Variants in SFMBT2 observed in about 807,000 individuals in gnomAD.
The protein encoded by SFMBT2 is scm-like with four MBT domains protein 2.
Under a neutral mutation model 110.1 loss-of-function variants are expected in SFMBT2, and 38 were observed. That is an observed-to-expected ratio of 0.35 (90% CI 0.27 to 0.45). The LOEUF (loss-of-function observed/expected upper bound fraction) is 0.45. Among genes scored for constraint, SFMBT2 ranks in the 20% least tolerant of loss-of-function variants. The pLI, the probability that SFMBT2 is intolerant of heterozygous loss-of-function variation, is 1.00. For missense variants in SFMBT2, 1,011 were observed against 1,094.9 expected (o/e 0.92, Z 1.08); for synonymous variants, 425 against 425.4 (o/e 1.00, Z 0.01).
chr10:7,279,016 G>A (rs781493462), intron 6 of SFMBT2, among the ~76,000 whole-genome samples: 13 of 151,554 alleles, frequency 8.6e-5, no homozygotes, highest in Admixed American at 4.0e-4. Context: ...CAGGAGAATC[G>A]CTTGAACCCT....
intron 1 of SFMBT2, among the ~76,000 whole-genome samples, chr10:7,399,240 G>GT (rs944216469): frequency 5.5e-4 from 81 of 148,240 alleles, no homozygotes; most frequent in Non-Finnish European, 6.2e-4. Flanking sequence ...GTTTTGTTTT[G>GT]TTTTTTTTTT....
chr10:7,368,146 C>T, intron 3 of SFMBT2: 1 of 285,806 alleles, frequency 3.5e-6, no homozygotes, highest in African/African-American at 2.3e-5. Flanking sequence ...ATATCCAAAA[C>T]ATTATCACCT....
intron 8 of SFMBT2, among the ~76,000 whole-genome samples, 183 bp from the exon 9 acceptor site, chr10:7,243,888 C>A (rs763460609): frequency 1.3e-5 from 2 of 152,164 alleles, no homozygotes; most frequent in Admixed American, 6.5e-5. Flanking sequence ...TTAGAATTGA[C>A]TGCTGTGGTC....
chr10:7,259,642 G>A (rs957531547), intron 7 of SFMBT2, among the ~76,000 whole-genome samples: 1 of 152,206 alleles, frequency 6.6e-6, no homozygotes, highest in Non-Finnish European at 1.5e-5. Context: ...ATTCAGATTC[G>A]GTTAAGAGAG....
chr10:7,262,185 G>A (rs1023234117), intron 7 of SFMBT2, among the ~76,000 whole-genome samples: 8 of 151,754 alleles, frequency 5.3e-5, no homozygotes, highest in Admixed American at 2.0e-4. Context: ...AAGGCACTAC[G>A]GGGCTTAAAC....
intron 2 of SFMBT2, among the ~76,000 whole-genome samples, chr10:7,378,750 T>C (rs548141693): frequency 7.7e-5 from 11 of 143,582 alleles, no homozygotes; most frequent in Admixed American, 3.4e-4. Context: ...TGGGGTGGTG[T>C]GAGTGTGGGT....
In SFMBT2 at chr10:7,176,169, G is replaced by GA; in HGVS notation, c.1809-5dup. 6.2e-7 allele frequency: 1 copy of GA among 1,614,078 alleles called. No homozygotes were observed. Among genetic ancestry groups the GA allele is most frequent in the South Asian group, 1.1e-5 (1 of 91,084 alleles). ...CCTGTATGTTTTGCCTCTGTATCTA[G>GA]AAAATAGGTGGGGAAGAAAAGCGAG... On this transcript the variant is annotated splice_region_variant and splice_polypyrimidine_tract_variant and intron_variant, in intron 16 of 20. Transcript: ENST00000397167.
At chr10:7,205,272 C>T (rs1189027204) in intron 12 of SFMBT2, 11 of 316,772 alleles carry the variant, frequency 3.5e-5, no homozygotes, top group Non-Finnish European at 4.1e-5. Flanking sequence ...TCTTTTTTTA[C>T]GTATATACAG....
intron 9 of SFMBT2, among the ~76,000 whole-genome samples, chr10:7,241,910 AT>A (rs1840441531): frequency 6.6e-6 from 1 of 152,154 alleles, no homozygotes; most frequent in Non-Finnish European, 1.5e-5. Context: ...ACAGCCAACC[AT>A]TTTTTCAAAA....
chr10:7,385,296 G>C (rs893156686), intron 1 of SFMBT2, among the ~76,000 whole-genome samples: 1 of 152,198 alleles, frequency 6.6e-6, no homozygotes, highest in African/African-American at 2.4e-5. Flanking sequence ...GAGGAAGAGA[G>C]ACAGCATCCA....
rs544981519 is a variant in SFMBT2, at chr10:7,276,192, G to A, written c.870+700C>T. On this transcript the variant is annotated intron_variant, in intron 7 of 20. Coordinates refer to ENST00000397167, the MANE Select transcript of SFMBT2 (RefSeq NM_001387889.1). ...CCCTTCATTTTCACGGGAGCACCTG[G>A]TGGAAGGCCTGGTACTTAGCAGAAC... Among the ~76,000 whole-genome samples the A allele has an allele frequency of 3.9e-5, 6 of 152,328 alleles. No homozygotes were observed. The South Asian group carries it at 1.0e-3, about 26-fold the overall frequency.
At chr10:7,380,162 TTAAA>T (rs952814831) in intron 2 of SFMBT2, among the ~76,000 whole-genome samples, 13 of 152,356 alleles carry the variant, frequency 8.5e-5, no homozygotes, top group African/African-American at 2.4e-4. Flanking sequence ...AAATCTGTAC[TTAAA>T]TAAAGTAGAA....
intron 9 of SFMBT2, among the ~76,000 whole-genome samples, chr10:7,231,821 T>C (rs1199133310): frequency 6.6e-6 from 1 of 152,192 alleles, no homozygotes; most frequent in Admixed American, 6.5e-5. Flanking sequence ...TTCTTTTCCT[T>C]TGGGCTGATA....
At chr10:7,357,248 G>A (rs1844549960) in intron 4 of SFMBT2, among the ~76,000 whole-genome samples, 1 of 152,066 alleles carries the variant, frequency 6.6e-6, no homozygotes. Flanking sequence ...CATCAACTTG[G>A]CTGGGCCACG....
At chr10:7,344,149 T>C (rs892134985) in intron 4 of SFMBT2, among the ~76,000 whole-genome samples, 1 of 152,204 alleles carries the variant, frequency 6.6e-6, no homozygotes, top group Non-Finnish European at 1.5e-5. Flanking sequence ...AGAGAGGAAA[T>C]ATTTTTTCTG....
intron 9 of SFMBT2, among the ~76,000 whole-genome samples, chr10:7,235,662 C>T (rs971912241): frequency 6.6e-6 from 1 of 151,986 alleles, no homozygotes; most frequent in African/African-American, 2.4e-5. Context: ...ATATCCATCA[C>T]AAAAACAAAG....
At chr10:7,260,024 A>G (rs994581313) in intron 7 of SFMBT2, among the ~76,000 whole-genome samples, 4 of 152,222 alleles carry the variant, frequency 2.6e-5, no homozygotes, top group Non-Finnish European at 1.5e-5. Flanking sequence ...AACCATAAAC[A>G]ATGGTGACCA....
chr10:7,245,082 A>T (rs1840564498), intron 8 of SFMBT2, among the ~76,000 whole-genome samples: 1 of 152,134 alleles, frequency 6.6e-6, no homozygotes, highest in South Asian at 2.1e-4. Context: ...AGTGCCTACC[A>T]ACAGGGAAAC....
intron 7 of SFMBT2, among the ~76,000 whole-genome samples, chr10:7,251,700 C>A (rs1263556066): frequency 6.6e-6 from 1 of 152,152 alleles, no homozygotes; most frequent in Non-Finnish European, 1.5e-5. Context: ...CTCAGAGGTG[C>A]CCTCAGTCAC....
Sources: gnomAD v4.1 joint callset for allele counts (sites outside exome capture counted in the v4.1 genomes callset) on GRCh38, gnomAD v4.1.1 for gene constraint, MANE v1.5 for transcripts, NCBI Gene and HGNC (gene_info 2026-07-23, HGNC 2026-07-21) for gene names.